The following IGSF3 variants were observed in gnomAD, a reference collection of about 807,000 sequenced individuals.
IGSF3 encodes the protein immunoglobulin superfamily member 3.
IGSF3 carries 23 observed loss-of-function variants against 114.4 expected under a neutral mutation model. That is an observed-to-expected ratio of 0.20 (90% CI 0.14 to 0.28). IGSF3 has a LOEUF of 0.28. Among genes scored for constraint, IGSF3 ranks in the 10% least tolerant of loss-of-function variants. IGSF3 has a pLI of 1.00. For synonymous variants in IGSF3, 571 were observed against 645.2 expected, an observed-to-expected ratio of 0.88 and a Z score of 1.74; for missense variants, 1,172 against 1,591.5, an observed-to-expected ratio of 0.74 and a Z score of 4.48.
At position 116,584,479 on chromosome 1, in the gene IGSF3, G is replaced by GA. The variant is rs1659728388; in HGVS notation, c.2848+165dup. 5.9e-6 allele frequency: 4 copies of GA among 682,622 alleles called. No individual in the cohort carries two copies. The highest frequency in any genetic ancestry group is 9.7e-6 in the Non-Finnish European group (4 of 413,724). 42.3% of individuals were successfully genotyped at this position (682,622 alleles called of 1,614,324 possible). A position where few individuals can be genotyped will look rare whatever the true frequency, so the allele number is the denominator to read the frequency against. On this transcript the variant is annotated intron_variant, in intron 9 of 10. Transcript: ENST00000369486. This position sits in a 1 kb window ranked among gnomAD's most constrained non-coding sequence, Gnocchi z 5.8. Reference sequence around the variant, plus strand: ...CAGACGTGCAATTTTCCATTCACAAGAAAAAAAATTCAGGCAATTTTGAAT... The same window carrying GA: ...CAGACGTGCAATTTTCCATTCACAAGAAAAAAAAATTCAGGCAATTTTGAAT...
rs1647482957 is a variant in IGSF3 at position 116,629,986 on chromosome 1, GA to G, written c.44-13530del. 6.6e-6 allele frequency among the ~76,000 whole-genome samples: 1 copy of G among 152,176 alleles called. No individual in the cohort carries two copies. The highest frequency in any genetic ancestry group is 2.4e-5 in the African/African-American group (1 of 41,444). On this transcript the variant is annotated intron_variant, in intron 2 of 10. Coordinates refer to ENST00000369486, the MANE Select transcript of IGSF3 (RefSeq NM_001007237.3). The surrounding 1 kb of genome is among the most constrained non-coding windows in gnomAD (Gnocchi z 4.3). ...GCACCTGAATGACAGATGGTTTGAG[GA>G]ATCTTGAGAAAGCAGAAGTTTAGGC...
chr1:116,652,157 T>C (rs541131275), intron 2 of IGSF3, among the ~76,000 whole-genome samples: 3 of 152,306 alleles, frequency 2.0e-5, no homozygotes, highest in African/African-American at 7.2e-5. Context: ...CTATACAGCA[T>C]ATAAACAACT....
chr1:116,608,719 A>T (rs1198139088), intron 4 of IGSF3, among the ~76,000 whole-genome samples: 15 of 152,190 alleles, frequency 9.9e-5, no homozygotes, highest in Non-Finnish European at 4.4e-5. Context: ...AACTCTATTT[A>T]AGCAACAGCA....
rs1660957450 is a variant in IGSF3 at position 116,610,095 on chromosome 1, G to A, written c.833-1764C>T. ...CCAGTCTTAAGAGGCATGGATTGAA[G>A]GAAGCACATTTCACTCTGCCACCAT... On this transcript the variant is annotated intron_variant, in intron 4 of 10. Coordinates refer to ENST00000369486, the MANE Select transcript of IGSF3 (RefSeq NM_001007237.3). The surrounding 1 kb of genome is among the most constrained non-coding windows in gnomAD (Gnocchi z 4.3). Among the ~76,000 whole-genome samples, 2 of 152,314 alleles carry A rather than the reference G, an allele frequency of 1.3e-5. No individual in the cohort carries two copies. Among genetic ancestry groups the A allele is most frequent in the South Asian group, 2.1e-4 (1 of 4,828 alleles).
chr1:116,607,157 G>A lies in IGSF3; in HGVS notation c.1222+785C>T, dbSNP rs1457634982. ...ACTTGTTTAAAATCAGAGCATTATA[G>A]GTTTTTATTCTCTTTACTAAAAACA... is the stretch of plus-strand genomic sequence containing the variant. On this transcript the variant is annotated intron_variant, in intron 5 of 10. Transcript: ENST00000369486. This position sits in a 1 kb window ranked among gnomAD's most constrained non-coding sequence, Gnocchi z 6.1. 1.3e-5 allele frequency among the ~76,000 whole-genome samples: 2 copies of A among 152,168 alleles called. No homozygotes were observed. Among genetic ancestry groups the A allele is most frequent in the Admixed American group, 6.5e-5 (1 of 15,280 alleles).
In IGSF3 at chr1:116,654,107, T is replaced by C. The variant is rs1033865188; in HGVS notation, c.43+12177A>G. Among the ~76,000 whole-genome samples the C allele has an allele frequency of 3.3e-5, 5 of 152,162 alleles. No homozygotes were observed. Among genetic ancestry groups the C allele is most frequent in the African/African-American group, 9.7e-5 (4 of 41,436 alleles). Reference sequence around the variant, plus strand: ...ATCATTCCTCACACTAACAAACATGTCCATCTATGTGAAGCAGAATTCCCA... The same window carrying C: ...ATCATTCCTCACACTAACAAACATGCCCATCTATGTGAAGCAGAATTCCCA... On this transcript the variant is annotated intron_variant, in intron 2 of 10. Transcript: ENST00000369486. This position sits in a 1 kb window ranked among gnomAD's most constrained non-coding sequence, Gnocchi z 4.4.
In IGSF3 at chr1:116,577,364, G is replaced by A. The variant is rs780248526; in HGVS notation, c.3533C>T (p.Pro1178Leu). The change falls in exon 11 of 11, where the codon CCT (proline) becomes CTT (leucine). Residue 1178 changes from proline (P) to leucine (L), a missense_variant. Coordinates refer to ENST00000369486, the MANE Select transcript of IGSF3 (RefSeq NM_001007237.3). The surrounding 1 kb of genome is among the most constrained non-coding windows in gnomAD (Gnocchi z 5.7). ...WIKEPHLNYS[P>L]TCLEPPVLSI... ...GAGAACAGGGGGCTCCAGGCAAGTA[G>A]GGGAGTAGTTGAGGTGTGGCTCTTT... 6.2e-7 allele frequency: 1 copy of A among 1,614,194 alleles called. No homozygotes were observed. The highest frequency in any genetic ancestry group is 1.1e-5 in the South Asian group (1 of 91,080).
rs1335741791 is a variant in IGSF3, at chr1:116,598,902, C to A, written c.2029+1039G>T. Among the ~76,000 whole-genome samples, 1 of 152,168 alleles carries A rather than the reference C, an allele frequency of 6.6e-6. No individual in the cohort carries two copies. The highest frequency in any genetic ancestry group is 1.5e-5 in the Non-Finnish European group (1 of 68,026). ...TGTCAGCTGAAGAGCCTGATGAAGG[C>A]GAGAGTGTTTGCAGAAAGCCCCACT... On this transcript the variant is annotated intron_variant, in intron 7 of 10. Transcript: ENST00000369486. The surrounding 1 kb of genome is among the most constrained non-coding windows in gnomAD (Gnocchi z 4.3).
At position 116,616,431 on chromosome 1, in the gene IGSF3, T is replaced by C. The variant is rs1432968267; in HGVS notation, c.70A>G (p.Thr24Ala). 2 of 1,602,410 alleles carry C rather than the reference T, an allele frequency of 1.2e-6. No homozygotes were observed. Among genetic ancestry groups the C allele is most frequent in the South Asian group, 2.2e-5 (2 of 90,636 alleles). Residue 24 changes from threonine to alanine, a missense_variant, in exon 3 of 11, where the codon ACC becomes GCC. This residue lies in a region of IGSF3 where 736 missense variants were observed against 1,042.0 expected (regional missense o/e 0.71). Transcript: ENST00000369486. The surrounding 1 kb of genome is among the most constrained non-coding windows in gnomAD (Gnocchi z 6.6). ...CGGTACAAGGGTCCTTCCTGAACGG[T>C]GACCTGCCGCTGTGCTGACACCACA... ...LGVVSAQRQV[T>A]VQEGPLYRTE...
chr1:116,577,126 C>A lies in IGSF3; in HGVS notation c.*186G>T. 1.6e-6 allele frequency: 1 copy of A among 617,390 alleles called. No homozygotes were observed. The highest frequency in any genetic ancestry group is 2.8e-6 in the Non-Finnish European group (1 of 357,914). 38.2% of individuals were successfully genotyped at this position (617,390 alleles called of 1,614,324 possible). The stretch of plus-strand genomic sequence containing the variant: ...ACAACATTTGCGCGCAAATAGCTAA[C>A]CAACCAAGACTGCCACCGAGAGGCA... On this transcript the variant is annotated 3_prime_UTR_variant, in exon 11 of 11. Coordinates refer to ENST00000369486, the MANE Select transcript of IGSF3 (RefSeq NM_001007237.3). The surrounding 1 kb of genome is among the most constrained non-coding windows in gnomAD (Gnocchi z 5.7).
chr1:116,603,909 T>C lies in IGSF3; in HGVS notation c.1339A>G (p.Ile447Val). 1.2e-6 allele frequency: 2 copies of C among 1,614,070 alleles called. No homozygotes were observed. The highest frequency in any genetic ancestry group is 1.1e-5 in the South Asian group (1 of 91,076). ...TTCTGCCTGTCCACAAGCTGCCAGATGACAGAGAAGCGACCCTGCGGCCTG... is the reference window on the plus strand; with the variant it reads ...TTCTGCCTGTCCACAAGCTGCCAGACGACAGAGAAGCGACCCTGCGGCCTG... Reference protein sequence around the residue: ...AGRPQGRFSVIWQLVDRQNRR... With the variant: ...AGRPQGRFSVVWQLVDRQNRR... Residue 447 changes from isoleucine (I) to valine (V), a missense_variant, in exon 6 of 11, where the codon ATC (isoleucine) becomes GTC (valine). By Grantham distance (29) the Ile-to-Val change is conservative (BLOSUM62 3). Coordinates refer to ENST00000369486, the MANE Select transcript of IGSF3 (RefSeq NM_001007237.3). The surrounding 1 kb of genome is among the most constrained non-coding windows in gnomAD (Gnocchi z 7.1).
chr1:116,624,588 C>G lies in IGSF3; in HGVS notation c.44-8131G>C, dbSNP rs2101030380. Among the ~76,000 whole-genome samples, 1 of 152,314 alleles carries G rather than the reference C, an allele frequency of 6.6e-6. No homozygotes were observed. Among genetic ancestry groups the G allele is most frequent in the East Asian group, 1.9e-4 (1 of 5,190 alleles). On this transcript the variant is annotated intron_variant, in intron 2 of 10. Coordinates refer to ENST00000369486, the MANE Select transcript of IGSF3 (RefSeq NM_001007237.3). The surrounding 1 kb of genome is among the most constrained non-coding windows in gnomAD (Gnocchi z 4.9). ...CACACACCGTGGCAGGTTGTATTCT[C>G]CAGACACAGCAGTAACAATATCTCC...
chr1:116,641,620 AAAG>A (rs1648108857), intron 2 of IGSF3, among the ~76,000 whole-genome samples: 1 of 152,092 alleles, frequency 6.6e-6, no homozygotes, highest in African/African-American at 2.4e-5. Context: ...AAGAACATCC[AAAG>A]AAGAGCACTG....
At position 116,647,206 on chromosome 1, in the gene IGSF3, T is replaced by A. The variant is rs187250040; in HGVS notation, c.43+19078A>T. Among the ~76,000 whole-genome samples the A allele has an allele frequency of 1.4e-4, 21 of 152,290 alleles. No individual in the cohort carries two copies. Among genetic ancestry groups the A allele is most frequent in the Admixed American group, 1.4e-3 (21 of 15,306 alleles). ...CCAAATGACCGGCTGAGGAATCACC[T>A]CACTGCTGCCGATGCCCTTGACAGC... On this transcript the variant is annotated intron_variant, in intron 2 of 10. Transcript: ENST00000369486. The surrounding 1 kb of genome is among the most constrained non-coding windows in gnomAD (Gnocchi z 4.6).
chr1:116,587,954 T>C (rs1659923727), intron 8 of IGSF3, among the ~76,000 whole-genome samples: 1 of 152,156 alleles, frequency 6.6e-6, no homozygotes, highest in South Asian at 2.1e-4. Context: ...CTAGAGATCT[T>C]TAACAGAGAA....
At chr1:116,581,278 C>T (rs1467293118) in intron 9 of IGSF3, among the ~76,000 whole-genome samples, 1 of 146,720 alleles carries the variant, frequency 6.8e-6, no homozygotes, top group Admixed American at 6.8e-5. Context: ...GCAGGTGAGT[C>T]ACATCTCACA....
Position 116,616,503 on chromosome 1 carries a change from AC to A in IGSF3, c.44-47del. 1.3e-6 allele frequency: 2 copies of A among 1,528,608 alleles called. No homozygotes were observed. The highest frequency in any genetic ancestry group is 1.3e-5 in the South Asian group (1 of 78,500). 94.7% of individuals were successfully genotyped at this position (1,528,608 alleles called of 1,614,324 possible). A position where few individuals can be genotyped will look rare whatever the true frequency, so the allele number is the denominator to read the frequency against. ...CACAACATGCTTACTTACTTCTCAG[AC>A]CAAAATGCAAAGTAGCCAGCAATCT... On this transcript the variant is annotated intron_variant, in intron 2 of 10. Transcript: ENST00000369486. The surrounding 1 kb of genome is among the most constrained non-coding windows in gnomAD (Gnocchi z 6.6).
intron 8 of IGSF3, among the ~76,000 whole-genome samples, chr1:116,586,149 A>AC (rs1267472401): frequency 6.6e-6 from 1 of 152,214 alleles, no homozygotes; most frequent in African/African-American, 2.4e-5. Flanking sequence ...GAGGTTGGGC[A>AC]CTTTCACTCA....
rs1342716766 is a variant in IGSF3 at position 116,633,005 on chromosome 1, T to C, written c.44-16548A>G. Among the ~76,000 whole-genome samples the C allele has an allele frequency of 6.6e-6, 1 of 152,242 alleles. No homozygotes were observed. Among genetic ancestry groups the C allele is most frequent in the Admixed American group, 6.5e-5 (1 of 15,288 alleles). ...GCTCATTGTAAAGTGACGAATTTTG[T>C]GGACACTTACAGAGAAAAAAATAGC... On this transcript the variant is annotated intron_variant, in intron 2 of 10. Transcript: ENST00000369486. This position sits in a 1 kb window ranked among gnomAD's most constrained non-coding sequence, Gnocchi z 4.3.
Sources: gnomAD v4.1 joint callset for allele counts (sites outside exome capture counted in the v4.1 genomes callset) on GRCh38, gnomAD v4.1.1 for gene constraint, gnomAD v4.1.1 regional missense constraint, Gnocchi (gnomAD v3.1) non-coding constraint, MANE v1.5 for transcripts, NCBI Gene and HGNC (gene_info 2026-07-23, HGNC 2026-07-21) for gene names.